Variants in AZI2 observed in about 807,000 individuals in gnomAD.
The protein encoded by AZI2 is 5-azacytidine-induced protein 2.
Under a neutral mutation model 45.8 loss-of-function variants are expected in AZI2, and 22 were observed. That is an observed-to-expected ratio of 0.48 (90% CI 0.34 to 0.69). The LOEUF (loss-of-function observed/expected upper bound fraction) is 0.69. AZI2 is among the 30% of genes least tolerant of loss of function. The pLI, the probability that AZI2 is intolerant of heterozygous loss-of-function variation, is 0.01. For missense variants in AZI2, 417 were observed against 441.5 expected, an observed-to-expected ratio of 0.94 and a Z score of 0.50; for synonymous variants, 137 against 156.7, an observed-to-expected ratio of 0.87 and a Z score of 0.94.
chr3:28,321,352 A>G lies in AZI2; in HGVS notation c.*2690T>C, dbSNP rs1170981919. 1 of 151,486 alleles carries G rather than the reference A, an allele frequency of 6.6e-6. No individual in the cohort carries two copies. The highest frequency in any genetic ancestry group is 1.5e-5 in the Non-Finnish European group (1 of 67,584). The allele number at this position is 151,486 out of a possible 1,614,324, so 9.4% of individuals were successfully genotyped here. A position where few individuals can be genotyped will look rare whatever the true frequency, so the allele number is the denominator to read the frequency against. ...AATCTATTTTATAGCTTTGATTAAA[A>G]TCAGAAGTAGCCCACTTCATGTAGA... On this transcript the variant is annotated 3_prime_UTR_variant, in exon 8 of 8. Transcript: ENST00000479665.
At chr3:28,327,139 G>A (rs1703418664) in intron 6 of AZI2, 189 bp from the exon 7 acceptor site, 1 of 529,072 alleles carries the variant, frequency 1.9e-6, no homozygotes, top group Non-Finnish European at 3.4e-6. Context: ...GAATAACACT[G>A]TCCATCTGAT....
chr3:28,348,372 C>T (rs752780754), intron 1 of AZI2: 37 of 152,308 alleles, frequency 2.4e-4, no homozygotes, highest in Non-Finnish European at 4.4e-4. Flanking sequence ...CCAAGAAGGG[C>T]CTGGACAGCT....
rs750367749 is a variant in AZI2 at position 28,332,352 on chromosome 3, C to T, written c.647+17G>A. 1.3e-6 allele frequency: 2 copies of T among 1,593,228 alleles called. No individual in the cohort carries two copies. The highest frequency in any genetic ancestry group is 2.7e-5 in the African/African-American group (2 of 74,316). ...AAGAAGACAACGTATTGTCTTAATG[C>T]TGAAGAGTGGTCATACCTTGAAATG... is the stretch of plus-strand genomic sequence containing the variant. On this transcript the variant is annotated intron_variant, in intron 6 of 7. Transcript: ENST00000479665.
At chr3:28,328,900 G>T (rs780135896) in intron 6 of AZI2, among the ~76,000 whole-genome samples, 1 of 151,142 alleles carries the variant, frequency 6.6e-6, no homozygotes, top group South Asian at 2.1e-4. Flanking sequence ...TATTGGAAAA[G>T]GCAAGTTGTC....
intron 1 of AZI2, among the ~76,000 whole-genome samples, chr3:28,345,469 T>C (rs1287130978): frequency 6.6e-6 from 1 of 152,148 alleles, no homozygotes; most frequent in Non-Finnish European, 1.5e-5. Context: ...ACATTTTATA[T>C]ATTTGGCAAT....
At chr3:28,337,000 A>G (rs1703819713) in intron 4 of AZI2, 115 bp from the exon 5 acceptor site, 5 of 989,228 alleles carry the variant, frequency 5.1e-6, no homozygotes, top group Admixed American at 2.7e-5. Context: ...CATAAAACAT[A>G]TATGATCAAT....
chr3:28,339,415 T>C (rs1005733299), intron 2 of AZI2, among the ~76,000 whole-genome samples: 6 of 152,164 alleles, frequency 3.9e-5, no homozygotes, highest in African/African-American at 1.2e-4. Flanking sequence ...TAAAATCCCA[T>C]TTTTCTACTA....
In AZI2 at chr3:28,324,350, T is replaced by C; in HGVS notation, c.871A>G (p.Asn291Asp). Reference sequence around the variant, plus strand: ...GTGGTATGACAAAGAGCTTTGCCATTTGGTAAGAGAGGGGGATGTCTTGTG... The same window carrying C: ...GTGGTATGACAAAGAGCTTTGCCATCTGGTAAGAGAGGGGGATGTCTTGTG... Reference protein sequence around the residue: ...TYTRHPPLLPNGKALCHTTSS... With the variant: ...TYTRHPPLLPDGKALCHTTSS... Residue 291 changes from asparagine (N) to aspartate (D), a missense_variant, in exon 8 of 8, where the codon AAT becomes GAT. By Grantham distance (23) the Asn-to-Asp change is conservative. Coordinates refer to ENST00000479665, the MANE Select transcript of AZI2 (RefSeq NM_022461.5). 3 of 1,598,334 alleles carry C rather than the reference T, an allele frequency of 1.9e-6. No individual in the cohort carries two copies. The East Asian group carries it at 6.7e-5, about 36-fold the overall frequency.
At position 28,322,913 on chromosome 3, in the gene AZI2, G is replaced by C. The variant is rs955541241; in HGVS notation, c.*1129C>G. On this transcript the variant is annotated 3_prime_UTR_variant, in exon 8 of 8. Coordinates refer to ENST00000479665, the MANE Select transcript of AZI2 (RefSeq NM_022461.5). ...TCCTACATGAAATACTTTAATTCAG[G>C]CAAAAGGTGTATGAACCAAGTAAAT... 6.6e-6 allele frequency: 1 copy of C among 150,932 alleles called. No individual in the cohort carries two copies. The highest frequency in any genetic ancestry group is 1.5e-5 in the Non-Finnish European group (1 of 67,310). The allele number at this position is 150,932 out of a possible 1,614,324, so 9.3% of individuals were successfully genotyped here. A position where few individuals can be genotyped will look rare whatever the true frequency, so the allele number is the denominator to read the frequency against.
intron 7 of AZI2, among the ~76,000 whole-genome samples, chr3:28,325,436 T>C (rs1703353395): frequency 6.6e-6 from 1 of 150,946 alleles, no homozygotes; most frequent in Non-Finnish European, 1.5e-5. Flanking sequence ...AGTGTAGTGT[T>C]TGGCTTTGGA....
At chr3:28,345,230 A>G (rs1704177501) in intron 1 of AZI2, among the ~76,000 whole-genome samples, 1 of 152,194 alleles carries the variant, frequency 6.6e-6, no homozygotes, top group African/African-American at 2.4e-5. Flanking sequence ...ACCACTCATC[A>G]GAAAGAACAA....
chr3:28,331,710 G>A (rs1037322711), intron 6 of AZI2: 8 of 1,343,230 alleles, frequency 6.0e-6, no homozygotes, highest in African/African-American at 5.9e-5. Flanking sequence ...ATTTTTTATT[G>A]GATGGAGGGT....
chr3:28,322,251 C>A lies in AZI2; in HGVS notation c.*1791G>T, dbSNP rs1454092944. On this transcript the variant is annotated 3_prime_UTR_variant, in exon 8 of 8. Transcript: ENST00000479665. ...TAAATGGAAAATAATTTTCTCCACT[C>A]AAAAGCTGGTTTAACAAATGTCTAT... 6.6e-6 allele frequency: 1 copy of A among 151,238 alleles called. No individual in the cohort carries two copies. Among genetic ancestry groups the A allele is most frequent in the African/African-American group, 2.4e-5 (1 of 41,332 alleles). The allele number at this position is 151,238 out of a possible 1,614,324, so 9.4% of individuals were successfully genotyped here.
At chr3:28,335,625 C>G (rs17021374) in intron 5 of AZI2, among the ~76,000 whole-genome samples, 2,226 of 152,076 alleles carry the variant, frequency 0.015, 54 homozygotes, top group African/African-American at 0.05. Context: ...ACTAGGCAGA[C>G]TGCTATATTA....
chr3:28,331,514 T>C (rs991130541), intron 6 of AZI2, among the ~76,000 whole-genome samples: 3 of 151,530 alleles, frequency 2.0e-5, no homozygotes, highest in Non-Finnish European at 4.4e-5. Context: ...TGGCACTTTA[T>C]AGAAAAAGTC....
rs762199745 is a variant in AZI2 at position 28,323,887 on chromosome 3, GT to G, written c.*154del. Reference sequence around the variant, plus strand: ...TCATACTAGAAAACCAACTATGTTGGTTTTTGTACTATTGTACAGTGTGTTC... The same window carrying G: ...TCATACTAGAAAACCAACTATGTTGGTTTTGTACTATTGTACAGTGTGTTC... On this transcript the variant is annotated 3_prime_UTR_variant, in exon 8 of 8. Transcript: ENST00000479665. 2.5e-5 allele frequency: 20 copies of G among 797,180 alleles called. No individual in the cohort carries two copies. The highest frequency in any genetic ancestry group is 3.8e-5 in the Non-Finnish European group (20 of 524,696). 49.4% of individuals were successfully genotyped at this position (797,180 alleles called of 1,614,324 possible).
chr3:28,339,364 T>C (rs1703923003), intron 2 of AZI2, among the ~76,000 whole-genome samples: 1 of 152,198 alleles, frequency 6.6e-6, no homozygotes, highest in Non-Finnish European at 1.5e-5. Flanking sequence ...ATAGGATTGT[T>C]GGTCATGAAG....
chr3:28,338,449 T>A (rs1182299260), intron 3 of AZI2, 44 bp downstream of exon 3: 3 of 1,485,954 alleles, frequency 2.0e-6, no homozygotes, highest in Non-Finnish European at 2.7e-6. Flanking sequence ...AAGGAGAAAA[T>A]TCATTTCCAA....
At chr3:28,342,480 G>C (rs190161431) in intron 1 of AZI2, among the ~76,000 whole-genome samples, 82 of 152,046 alleles carry the variant, frequency 5.4e-4, no homozygotes, top group African/African-American at 1.9e-3. Context: ...TGCTTCTGAT[G>C]CAAGCTGCAT....
Sources: gnomAD v4.1 joint callset for allele counts (sites outside exome capture counted in the v4.1 genomes callset) on GRCh38, gnomAD v4.1.1 for gene constraint, MANE v1.5 for transcripts, NCBI Gene and HGNC (gene_info 2026-07-23, HGNC 2026-07-21) for gene names.